The following ZBTB20 variants were observed in gnomAD, a reference collection of about 807,000 sequenced individuals.
The protein encoded by ZBTB20 is zinc finger and BTB domain-containing protein 20.
In ZBTB20, 9 loss-of-function variants were observed where a neutral mutation model predicts 56.9. That is an observed-to-expected ratio of 0.16 (90% CI 0.10 to 0.28). ZBTB20 has a LOEUF of 0.28. Among genes scored for constraint, ZBTB20 ranks in the 10% least tolerant of loss-of-function variants. The pLI, the probability that ZBTB20 is intolerant of heterozygous loss-of-function variation, is 1.00. For missense variants in ZBTB20, 655 were observed against 1,003.0 expected (o/e 0.65, Z 4.69); for synonymous variants, 417 against 420.7 (o/e 0.99, Z 0.11).
chr3:115,112,768 G>T (rs546311505), intron 1 of ZBTB20, among the ~76,000 whole-genome samples: 1 of 152,162 alleles, frequency 6.6e-6, no homozygotes, highest in Non-Finnish European at 1.5e-5. Flanking sequence ...AAACATGGGA[G>T]TGCGGGTGTT....
chr3:114,867,310 A>T (rs754389803), intron 4 of ZBTB20, among the ~76,000 whole-genome samples: 1 of 152,188 alleles, frequency 6.6e-6, no homozygotes, highest in Admixed American at 6.5e-5. Flanking sequence ...CCCTAACTGG[A>T]AGGGAATCTT....
chr3:114,772,503 T>C (rs76395265), intron 5 of ZBTB20, among the ~76,000 whole-genome samples: 5,202 of 152,068 alleles, frequency 0.034, 143 homozygotes, highest in African/African-American at 0.07. Flanking sequence ...AACCAAAAAA[T>C]TTCTGGTCTA....
Position 114,872,762 on chromosome 3 carries a change from G to C in ZBTB20, c.-417+27542C>G, listed in dbSNP as rs145868837. Among the ~76,000 whole-genome samples the C allele has an allele frequency of 3.3e-5, 5 of 152,214 alleles. No individual in the cohort carries two copies. The East Asian group carries it at 7.7e-4, about 23-fold the overall frequency. On this transcript the variant is annotated intron_variant, in intron 4 of 11. Transcript: ENST00000675478. ...GTTATGACTTGCTCAGCTAGTAACT[G>C]CAAGTGCCAAAATTCAAACTGTGGA... is the stretch of plus-strand genomic sequence containing the variant.
chr3:115,072,822 G>C (rs1286801253), intron 1 of ZBTB20, among the ~76,000 whole-genome samples: 2 of 152,052 alleles, frequency 1.3e-5, no homozygotes, highest in African/African-American at 2.4e-5. Flanking sequence ...CAATAGACTT[G>C]GCAATCATTT....
chr3:114,814,571 C>T (rs544904987), intron 4 of ZBTB20, among the ~76,000 whole-genome samples: 84 of 152,264 alleles, frequency 5.5e-4, no homozygotes, highest in Middle Eastern at 3.4e-3. Flanking sequence ...CTGCCTTAAA[C>T]TTGTCTGAGA....
chr3:114,382,033 G>T (rs115948686), intron 8 of ZBTB20, among the ~76,000 whole-genome samples: 1 of 152,298 alleles, frequency 6.6e-6, no homozygotes, highest in African/African-American at 2.4e-5. Flanking sequence ...CAAGATCAAA[G>T]TTGCTAAAGC....
At chr3:114,535,062 A>G (rs912054193) in intron 6 of ZBTB20, among the ~76,000 whole-genome samples, 1 of 152,198 alleles carries the variant, frequency 6.6e-6, no homozygotes, top group African/African-American at 2.4e-5. Context: ...TTGACACTCT[A>G]ACATCACAAT....
At chr3:114,924,075 A>AC (rs1358083245) in intron 3 of ZBTB20, among the ~76,000 whole-genome samples, 6 of 152,152 alleles carry the variant, frequency 3.9e-5, no homozygotes, top group Non-Finnish European at 8.8e-5. Context: ...AAGAATGTGG[A>AC]GAAACGAAAA....
chr3:114,685,645 G>A (rs1444202281), intron 6 of ZBTB20, among the ~76,000 whole-genome samples: 2 of 152,188 alleles, frequency 1.3e-5, no homozygotes, highest in Non-Finnish European at 2.9e-5. Context: ...ATTAATTTCT[G>A]ATGGTGTTAA....
intron 5 of ZBTB20, among the ~76,000 whole-genome samples, chr3:114,730,362 T>C (rs900875770): frequency 1.3e-5 from 2 of 152,148 alleles, no homozygotes; most frequent in Admixed American, 1.3e-4. Context: ...CCCTGTAAGG[T>C]AGCTGTCTAT....
intron 7 of ZBTB20, among the ~76,000 whole-genome samples, chr3:114,399,934 C>A (rs181012249): frequency 6.6e-6 from 1 of 151,916 alleles, no homozygotes; most frequent in African/African-American, 2.4e-5. Context: ...AAAATGAGTT[C>A]TCCCTATCAT....
At chr3:114,441,990 T>G (rs1285629677) in intron 7 of ZBTB20, among the ~76,000 whole-genome samples, 1 of 151,922 alleles carries the variant, frequency 6.6e-6, no homozygotes, top group African/African-American at 2.4e-5. Flanking sequence ...ATTTTATAAG[T>G]AAAGTGAAAA....
intron 6 of ZBTB20, among the ~76,000 whole-genome samples, chr3:114,624,670 C>T (rs1294130731): frequency 6.6e-6 from 1 of 152,140 alleles, no homozygotes; most frequent in Non-Finnish European, 1.5e-5. Flanking sequence ...GCCCAGATCA[C>T]TGCTGTACCA....
chr3:114,361,596 C>T (rs1198036656), intron 10 of ZBTB20, among the ~76,000 whole-genome samples: 2 of 152,236 alleles, frequency 1.3e-5, no homozygotes, highest in East Asian at 3.9e-4. Context: ...AAAGAATAAA[C>T]CATAAAACAA....
intron 8 of ZBTB20, chr3:114,388,209 A>G (rs930296052): frequency 6.6e-6 from 1 of 152,252 alleles, no homozygotes; most frequent in African/African-American, 2.4e-5. Context: ...AAAATGTGTA[A>G]TTAAGTTACT....
At chr3:114,464,415 C>T (rs530463461) in intron 7 of ZBTB20, among the ~76,000 whole-genome samples, 1 of 152,314 alleles carries the variant, frequency 6.6e-6, no homozygotes, top group South Asian at 2.1e-4. Flanking sequence ...CAAGTACAGT[C>T]ATTCTGCACA....
chr3:115,079,475 G>A (rs1052286608), intron 1 of ZBTB20, among the ~76,000 whole-genome samples: 9 of 151,960 alleles, frequency 5.9e-5, no homozygotes, highest in East Asian at 3.9e-4. Flanking sequence ...TGCATCCTCC[G>A]CCTCCTGGGT....
At chr3:114,600,152 T>C (rs976603990) in intron 6 of ZBTB20, among the ~76,000 whole-genome samples, 1 of 152,032 alleles carries the variant, frequency 6.6e-6, no homozygotes, top group African/African-American at 2.4e-5. Flanking sequence ...ATAATGGATA[T>C]GTTCTGGATA....
chr3:114,345,349 T>A (rs1456862222), intron 11 of ZBTB20, among the ~76,000 whole-genome samples: 2 of 152,172 alleles, frequency 1.3e-5, no homozygotes, highest in Non-Finnish European at 2.9e-5. Context: ...TAATACATGA[T>A]GATATGAATA....
Sources: allele counts gnomAD v4.1 joint callset (sites outside exome capture counted in the v4.1 genomes callset), GRCh38; gene constraint gnomAD v4.1.1; transcripts MANE v1.5; gene names NCBI Gene and HGNC (gene_info 2026-07-23, HGNC 2026-07-21).